Variants in TMEM131L observed in about 807,000 individuals in gnomAD.
TMEM131L encodes the protein transmembrane protein 131-like.
A neutral mutation model predicts 192.2 loss-of-function variants in TMEM131L; 54 were observed. The ratio of observed to expected loss-of-function variants is 0.28; its 90% CI spans 0.23 to 0.35. The LOEUF is 0.35. TMEM131L is among the 10% of genes least tolerant of loss of function. TMEM131L has a pLI of 1.00. For synonymous variants in TMEM131L, 701 were observed against 704.9 expected (o/e 0.99, Z 0.09); for missense variants, 1,888 against 1,972.9 (o/e 0.96, Z 0.82).
chr4:153,498,753 T>G (rs946315715), intron 3 of TMEM131L, among the ~76,000 whole-genome samples: 4 of 152,190 alleles, frequency 2.6e-5, no homozygotes, highest in African/African-American at 7.2e-5. Context: ...CTTTTTCTCC[T>G]TCAGTCACTC....
chr4:153,626,159 C>T lies in TMEM131L; in HGVS notation c.4058C>T (p.Ser1353Leu). 6.2e-7 allele frequency: 1 copy of T among 1,609,220 alleles called. No homozygotes were observed. Among genetic ancestry groups the T allele is most frequent in the South Asian group, 1.1e-5 (1 of 90,840 alleles). Residue 1353 changes from serine (S) to leucine (L), a missense_variant, in exon 30 of 35, where the codon TCA (serine) becomes TTA (leucine). Physicochemically the swap from Ser to Leu is moderately radical, Grantham distance 145. Coordinates refer to ENST00000409959, the MANE Select transcript of TMEM131L (RefSeq NM_001131007.2). ...QHFLPAGDSV[S>L]QNDFPSEAPI... ...TCTTTTAATGCAGGAGACAGTGTTT[C>T]ACAAAATGATTTTCCTTCTGAAGCT...
intron 15 of TMEM131L, among the ~76,000 whole-genome samples, chr4:153,588,204 G>A (rs900862128): frequency 6.6e-6 from 1 of 151,582 alleles, no homozygotes; most frequent in Non-Finnish European, 1.5e-5. Context: ...ACATCTTGCA[G>A]ATGGTGCTAG....
intron 3 of TMEM131L, among the ~76,000 whole-genome samples, chr4:153,511,541 T>C (rs1734357742): frequency 6.6e-6 from 1 of 152,140 alleles, no homozygotes; most frequent in Non-Finnish European, 1.5e-5. Flanking sequence ...AGTAGCTGGG[T>C]GATGAAATAA....
Position 153,620,796 on chromosome 4 carries a change from G to A in TMEM131L, c.3608G>A (p.Arg1203Lys). 6.3e-7 allele frequency: 1 copy of A among 1,580,112 alleles called. No individual in the cohort carries two copies. The highest frequency in any genetic ancestry group is 8.6e-7 in the Non-Finnish European group (1 of 1,157,392). The change falls in exon 27 of 35, where the codon AGA becomes AAA. Residue 1203 changes from arginine (R) to lysine (K), a missense_variant. Transcript: ENST00000409959. ...AGGAAGAAAAAGCTTCAGGAGAAAA[G>A]AGAAGGAAATTTACAAAATTTAAAT... ...PYRKKKLQEKREGNLQNLNWS... is the reference protein window; with the variant it reads ...PYRKKKLQEKKEGNLQNLNWS...
rs752850090 is a variant in TMEM131L at position 153,622,938 on chromosome 4, G to A, written c.3900G>A (p.Lys1300=). ...AGCCTGAGAAGAAATGTGTGGACAA[G>A]TTCTGCTCCGATTCCAGCTCTGACT... ...YQKPEKKCVD[K]FCSDSSSDCG... The change falls in exon 29 of 35, where the codon AAG becomes AAA. Residue 1300 remains lysine (K), a synonymous_variant. Coordinates refer to ENST00000409959, the MANE Select transcript of TMEM131L (RefSeq NM_001131007.2). 1.2e-6 allele frequency: 2 copies of A among 1,614,242 alleles called. No individual in the cohort carries two copies. Among genetic ancestry groups the A allele is most frequent in the Non-Finnish European group, 1.7e-6 (2 of 1,180,044 alleles).
Position 153,466,569 on chromosome 4 carries a change from GCT to G in TMEM131L, c.124+51_124+52del, listed in dbSNP as rs752626028. ...CGCTCTGCCTCTCCACCCCGCCCCC[GCT>G]CTTTCTTTTAGGGAACTGCTGAAAT... On this transcript the variant is annotated intron_variant, in intron 1 of 34. Coordinates refer to ENST00000409959, the MANE Select transcript of TMEM131L (RefSeq NM_001131007.2). 3 of 1,271,430 alleles carry G rather than the reference GCT, an allele frequency of 2.4e-6. No homozygotes were observed. The East Asian group carries it at 9.5e-5, about 40-fold the overall frequency. The allele number at this position is 1,271,430 out of a possible 1,614,324, so 78.8% of individuals were successfully genotyped here.
intron 3 of TMEM131L, among the ~76,000 whole-genome samples, chr4:153,489,884 C>T (rs1047949786): frequency 6.6e-6 from 1 of 151,950 alleles, no homozygotes; most frequent in African/African-American, 2.4e-5. Context: ...CAGAAAAAAG[C>T]GACTAATGTA....
chr4:153,571,490 G>C (rs1729585256), intron 7 of TMEM131L, among the ~76,000 whole-genome samples: 1 of 152,124 alleles, frequency 6.6e-6, no homozygotes, highest in African/African-American at 2.4e-5. Flanking sequence ...CTCCTTAATT[G>C]TTTACTATGG....
In TMEM131L at chr4:153,631,795, C is replaced by T. The variant is rs554613112; in HGVS notation, c.4208-923C>T. 4.6e-5 allele frequency among the ~76,000 whole-genome samples: 7 copies of T among 152,334 alleles called. No homozygotes were observed. In the Middle Eastern group the frequency reaches 0.01, roughly 222 times the overall value. On this transcript the variant is annotated intron_variant, in intron 31 of 34. Transcript: ENST00000409959. ...CTGTCTTCTCTGCTCCCAATCCGCT[C>T]TCTATAGCCTCATCCCCTACTCTTC... is the stretch of plus-strand genomic sequence containing the variant.
chr4:153,630,281 C>A (rs755105122), intron 31 of TMEM131L, among the ~76,000 whole-genome samples: 1 of 152,134 alleles, frequency 6.6e-6, no homozygotes, highest in African/African-American at 2.4e-5. Flanking sequence ...TTATTAACAG[C>A]GGCTGTCCAC....
chr4:153,534,419 G>T (rs531975838), intron 3 of TMEM131L, among the ~76,000 whole-genome samples: 1 of 151,844 alleles, frequency 6.6e-6, no homozygotes, highest in South Asian at 2.1e-4. Flanking sequence ...TTTGAAGGAG[G>T]TGGAGGATTT....
chr4:153,635,540 C>T lies in TMEM131L; in HGVS notation c.4526C>T (p.Ala1509Val). The change falls in exon 34 of 35, where the codon GCC becomes GTC. Residue 1509 changes from alanine (A) to valine (V), a missense_variant. Physicochemically the swap from Ala to Val is moderately conservative, Grantham distance 64. Transcript: ENST00000409959. ...TWNTPPNMPA[A>V]WGHASFISSP... ...AACACCCCACCCAACATGCCTGCTG[C>T]CTGGGGACATGCCAGTTTCATCAGC... 1 of 1,614,084 alleles carries T rather than the reference C, an allele frequency of 6.2e-7. No individual in the cohort carries two copies.
intron 3 of TMEM131L, among the ~76,000 whole-genome samples, chr4:153,497,399 C>T (rs1187802201): frequency 6.6e-6 from 1 of 152,004 alleles, no homozygotes; most frequent in Admixed American, 6.6e-5. Flanking sequence ...TGAGTTAGGC[C>T]TCATGCTGCT....
intron 25 of TMEM131L, among the ~76,000 whole-genome samples, chr4:153,606,423 T>G (rs1481465578): frequency 1.3e-5 from 2 of 152,152 alleles, no homozygotes; most frequent in Non-Finnish European, 2.9e-5. Context: ...GGAGGGACCT[T>G]CTATATCTTA....
chr4:153,515,063 C>T (rs1487111569), intron 3 of TMEM131L, among the ~76,000 whole-genome samples: 2 of 152,314 alleles, frequency 1.3e-5, no homozygotes, highest in South Asian at 2.1e-4. Flanking sequence ...CCACCTGCCT[C>T]GGCCTCCCGA....
At chr4:153,476,120 G>A (rs909085607) in intron 3 of TMEM131L, among the ~76,000 whole-genome samples, 1 of 151,948 alleles carries the variant, frequency 6.6e-6, no homozygotes, top group Non-Finnish European at 1.5e-5. Context: ...AATCACGCCC[G>A]GCTAATTTTT....
At chr4:153,541,192 T>G (rs1736752957) in intron 3 of TMEM131L, among the ~76,000 whole-genome samples, 1 of 152,134 alleles carries the variant, frequency 6.6e-6, no homozygotes, top group African/African-American at 2.4e-5. Context: ...GGATGGGAGT[T>G]GGGGAAATGT....
At chr4:153,605,276 GC>G (rs1561236681) in intron 25 of TMEM131L, among the ~76,000 whole-genome samples, 1 of 152,172 alleles carries the variant, frequency 6.6e-6, no homozygotes, top group African/African-American at 2.4e-5. Flanking sequence ...GATCCCTTTG[GC>G]CTCTAGCATA....
At chr4:153,633,096 T>C (rs2126916741) in intron 32 of TMEM131L, 1 of 335,668 alleles carries the variant, frequency 3.0e-6, no homozygotes, top group Middle Eastern at 8.3e-4. Context: ...AGACGATTTT[T>C]TCATATATTA....
Sources: allele counts gnomAD v4.1 joint callset (sites outside exome capture counted in the v4.1 genomes callset), GRCh38; gene constraint gnomAD v4.1.1; transcripts MANE v1.5; gene names NCBI Gene and HGNC (gene_info 2026-07-23, HGNC 2026-07-21).